The following PRKDC variants were observed in gnomAD, a reference collection of about 807,000 sequenced individuals.
PRKDC encodes protein kinase, DNA-activated, catalytic subunit.
In PRKDC, 82 loss-of-function variants were observed where a neutral mutation model predicts 486.9. The observed-to-expected ratio is 0.17, with a 90% CI of 0.14 to 0.20. The LOEUF (loss-of-function observed/expected upper bound fraction) is 0.20, where lower values mean the gene tolerates loss of function less well. Ranked by LOEUF, PRKDC falls within the 10% of genes least tolerant of loss-of-function variation. The pLI is 1.00. For synonymous variants in PRKDC, 1,895 were observed against 1,837.0 expected, an observed-to-expected ratio of 1.03 and a Z score of -0.81; for missense variants, 4,504 against 5,038.2, an observed-to-expected ratio of 0.89 and a Z score of 3.21.
At chr8:47,933,847 ACT>A in intron 15 of PRKDC, 116 bp downstream of exon 15, 1 of 1,086,354 alleles carries the variant, frequency 9.2e-7, no homozygotes, top group Non-Finnish European at 1.2e-6. Flanking sequence ...TTTGAAGTAC[ACT>A]GTTTTAAACT....
Position 47,863,491 on chromosome 8 carries a change from T to C in PRKDC, c.5658A>G (p.Lys1886=), listed in dbSNP as rs1378063014. The stretch of plus-strand genomic sequence containing the variant: ...TTGATTCCTTAGCATGAACATCATC[T>C]TTGGGAAGGCGAGAATACATCACGT... ...ILDVMYSRLP[K]DDVHAKESKI... is the part of the protein sequence containing the mutation. Residue 1886 remains lysine (K), a synonymous_variant, in exon 42 of 86, where the codon AAA becomes AAG. Transcript: ENST00000314191. 6.2e-7 allele frequency: 1 copy of C among 1,612,666 alleles called. No homozygotes were observed. The highest frequency in any genetic ancestry group is 2.2e-5 in the East Asian group (1 of 44,740).
chr8:47,941,327 C>T (rs1249887387), intron 10 of PRKDC, among the ~76,000 whole-genome samples: 1 of 151,254 alleles, frequency 6.6e-6, no homozygotes, highest in African/African-American at 2.4e-5. Context: ...CCTCTCCTTG[C>T]CTGGGGCCTC....
chr8:47,799,845 G>A (rs1032705615), intron 71 of PRKDC, among the ~76,000 whole-genome samples: 1 of 152,172 alleles, frequency 6.6e-6, no homozygotes, highest in East Asian at 1.9e-4. Context: ...TCGGCAAGAA[G>A]CTAAGCAAAG....
At position 47,912,347 on chromosome 8, in the gene PRKDC, C is replaced by T. The variant is rs1221946665; in HGVS notation, c.2934+63G>A. On this transcript the variant is annotated intron_variant, in intron 25 of 85. Coordinates refer to ENST00000314191, the MANE Select transcript of PRKDC (RefSeq NM_006904.7). The stretch of plus-strand genomic sequence containing the variant: ...CAGGTAATTCCACTGCTCTGCTGAC[C>T]ACTGAATTAGACAAACCAAACTTTT... 10 of 1,437,958 alleles carry T rather than the reference C, an allele frequency of 7.0e-6. No individual in the cohort carries two copies. In the East Asian group the frequency reaches 2.5e-4, roughly 36 times the overall value. 89.1% of individuals were successfully genotyped at this position (1,437,958 alleles called of 1,614,324 possible). A position where few individuals can be genotyped will look rare whatever the true frequency, so the allele number is the denominator to read the frequency against.
chr8:47,831,935 G>A lies in PRKDC; in HGVS notation c.8153-9C>T. ...CGTCCGGCCGGCCGCACCTGGAGAG[G>A]GAAAGCAGGCCCAGTTACTCCCCGC... is the stretch of plus-strand genomic sequence containing the variant. On this transcript the variant is annotated splice_polypyrimidine_tract_variant and intron_variant, in intron 59 of 85. Transcript: ENST00000314191. 1 of 1,607,222 alleles carries A rather than the reference G, an allele frequency of 6.2e-7. No homozygotes were observed. The highest frequency in any genetic ancestry group is 8.5e-7 in the Non-Finnish European group (1 of 1,174,710).
chr8:47,929,819 A>T, intron 18 of PRKDC, 34 bp downstream of exon 18: 1 of 1,566,380 alleles, frequency 6.4e-7, no homozygotes, highest in Non-Finnish European at 8.6e-7. Flanking sequence ...ACCTAAAAAA[A>T]CGCAAGATTC....
intron 68 of PRKDC, among the ~76,000 whole-genome samples, chr8:47,817,116 T>C (rs772344297): frequency 3.3e-5 from 5 of 152,180 alleles, no homozygotes; most frequent in Non-Finnish European, 7.3e-5. Flanking sequence ...TAAAAATCAT[T>C]ATGTAGTCGT....
rs754905856 is a variant in PRKDC, at chr8:47,858,991, G to A, written c.6208-5C>T. On this transcript the variant is annotated splice_region_variant and splice_polypyrimidine_tract_variant and intron_variant, in intron 46 of 85. Transcript: ENST00000314191. The stretch of plus-strand genomic sequence containing the variant: ...CACCGTGGGGTCCCGCTGCTCCTGC[G>A]AAAGGGAGGGCCCAGGAGAGCAGAG... The A allele has an allele frequency of 2.6e-5, 42 of 1,611,928 alleles. No homozygotes were observed. The highest frequency in any genetic ancestry group is 3.3e-5 in the Admixed American group (2 of 59,984).
At chr8:47,831,268 A>C (rs1310442791) in intron 60 of PRKDC, among the ~76,000 whole-genome samples, 1 of 152,190 alleles carries the variant, frequency 6.6e-6, no homozygotes, top group African/African-American at 2.4e-5. Context: ...TCACACCCAG[A>C]TGTGGATGGA....
rs374398763 is a variant in PRKDC, at chr8:47,861,175, G to A, written c.5986-204C>T. On this transcript the variant is annotated intron_variant, in intron 44 of 85. Coordinates refer to ENST00000314191, the MANE Select transcript of PRKDC (RefSeq NM_006904.7). ...CTTCCTGCAGATTCCCACAGAACTC[G>A]GCCCAGGCACTTAACCTCCATCTCA... is the stretch of plus-strand genomic sequence containing the variant. Among the ~76,000 whole-genome samples, 27 of 152,246 alleles carry A rather than the reference G, an allele frequency of 1.8e-4. No homozygotes were observed. In the South Asian group the frequency reaches 3.5e-3, roughly 20 times the overall value.
At chr8:47,955,477 A>G (rs1180413274) in intron 4 of PRKDC, among the ~76,000 whole-genome samples, 7 of 150,958 alleles carry the variant, frequency 4.6e-5, no homozygotes, top group Non-Finnish European at 8.9e-5. Context: ...AAAAAAAAAA[A>G]AAAAAAAAAA....
intron 16 of PRKDC, among the ~76,000 whole-genome samples, chr8:47,932,464 G>C (rs2090273953): frequency 1.3e-5 from 2 of 152,200 alleles, no homozygotes; most frequent in South Asian, 4.2e-4. Flanking sequence ...TGATCTGCCT[G>C]CCTCGGCCTC....
chr8:47,887,252 C>T (rs2089355959), intron 35 of PRKDC, among the ~76,000 whole-genome samples: 2 of 152,182 alleles, frequency 1.3e-5, no homozygotes, highest in Admixed American at 6.5e-5. Context: ...GGAGAAGAGG[C>T]CACATGTCAA....
chr8:47,821,486 G>T, intron 65 of PRKDC, 118 bp downstream of exon 65: 3 of 935,040 alleles, frequency 3.2e-6, no homozygotes, highest in Non-Finnish European at 3.3e-6. Flanking sequence ...CTCAGGTCAT[G>T]CAATTCCCTA....
chr8:47,824,545 A>T (rs1436145432), intron 63 of PRKDC, among the ~76,000 whole-genome samples: 1 of 151,996 alleles, frequency 6.6e-6, no homozygotes, highest in Non-Finnish European at 1.5e-5. Flanking sequence ...GTGTCATTAC[A>T]TAAGGTTCTC....
At chr8:47,860,742 A>T (rs1236900898) in intron 45 of PRKDC, among the ~76,000 whole-genome samples, 157 bp downstream of exon 45, 1 of 152,238 alleles carries the variant, frequency 6.6e-6, no homozygotes, top group Non-Finnish European at 1.5e-5. Flanking sequence ...TTTGCCACTT[A>T]AAATACTTTT....
chr8:47,785,358 T>C, intron 76 of PRKDC, 41 bp from the exon 77 acceptor site: 1 of 1,451,770 alleles, frequency 6.9e-7, no homozygotes, highest in East Asian at 2.5e-5. Flanking sequence ...TGATGTTTAG[T>C]TTGGACTTTG....
intron 10 of PRKDC, 45 bp downstream of exon 10, chr8:47,943,162 CTG>C (rs2090473880): frequency 6.3e-7 from 1 of 1,580,760 alleles, no homozygotes; most frequent in Non-Finnish European, 8.6e-7. Flanking sequence ...GAATTTAATT[CTG>C]TGTGTGAAAG....
chr8:47,804,173 G>T (rs1368396449), intron 69 of PRKDC, among the ~76,000 whole-genome samples: 2 of 152,086 alleles, frequency 1.3e-5, no homozygotes, highest in East Asian at 3.8e-4. Context: ...AAAATAAGTG[G>T]TGATTTTGTG....
Sources: gnomAD v4.1 joint callset for allele counts (sites outside exome capture counted in the v4.1 genomes callset) on GRCh38, gnomAD v4.1.1 for gene constraint, MANE v1.5 for transcripts, NCBI Gene and HGNC (gene_info 2026-07-23, HGNC 2026-07-21) for gene names.